The following SRR variants were observed in gnomAD, a reference collection of about 807,000 sequenced individuals.
SRR encodes D-serine ammonia-lyase.
In SRR, 19 loss-of-function variants were observed where a neutral mutation model predicts 32.7. The observed-to-expected ratio is 0.58, with a 90% CI of 0.40 to 0.85. The LOEUF (loss-of-function observed/expected upper bound fraction) is 0.85. Among genes scored for constraint, SRR ranks in the 40% least tolerant of loss-of-function variants. The probability of loss-of-function intolerance (pLI) is 0.00; values close to 1 mark genes in which losing one functional copy is unlikely to be tolerated. For synonymous variants in SRR, 142 were observed against 140.9 expected, an observed-to-expected ratio of 1.01 and a Z score of -0.06; for missense variants, 373 against 404.7, an observed-to-expected ratio of 0.92 and a Z score of 0.67.
chr17:2,315,867 T>A, intron 2 of SRR, 139 bp downstream of exon 2: 2 of 896,308 alleles, frequency 2.2e-6, no homozygotes, highest in Non-Finnish European at 3.3e-6. Flanking sequence ...TACAGAAATT[T>A]TCCTTTCAAG....
chr17:2,324,257 T>G lies in SRR; in HGVS notation c.*384T>G. 6.5e-7 allele frequency: 1 copy of G among 1,545,552 alleles called. No homozygotes were observed. The highest frequency in any genetic ancestry group is 8.7e-7 in the Non-Finnish European group (1 of 1,151,820). On this transcript the variant is annotated 3_prime_UTR_variant, in exon 8 of 8. Coordinates refer to ENST00000344595, the MANE Select transcript of SRR (RefSeq NM_021947.3). ...CTCACTTTTCAGCCAGGGTACTGGT[T>G]CTGGTACATATGGATCATAAGTCCA...
At chr17:2,314,646 G>A (rs1469139804) in intron 1 of SRR, among the ~76,000 whole-genome samples, 6 of 151,360 alleles carry the variant, frequency 4.0e-5, no homozygotes, top group African/African-American at 1.2e-4. Flanking sequence ...TCAGCTACTC[G>A]GGAGGCTGAA....
At chr17:2,317,368 C>T (rs1442698944) in intron 2 of SRR, among the ~76,000 whole-genome samples, 1 of 151,660 alleles carries the variant, frequency 6.6e-6, no homozygotes, top group Non-Finnish European at 1.5e-5. Flanking sequence ...AAAAATTAGC[C>T]GGGCGTGGTG....
In SRR at chr17:2,324,261, G is replaced by A. The variant is rs2075559563; in HGVS notation, c.*388G>A. On this transcript the variant is annotated 3_prime_UTR_variant, in exon 8 of 8. Coordinates refer to ENST00000344595, the MANE Select transcript of SRR (RefSeq NM_021947.3). ...CTTTTCAGCCAGGGTACTGGTTCTG[G>A]TACATATGGATCATAAGTCCATTTG... 2 of 1,549,122 alleles carry A rather than the reference G, an allele frequency of 1.3e-6. No homozygotes were observed. Among genetic ancestry groups the A allele is most frequent in the Non-Finnish European group, 1.7e-6 (2 of 1,153,366 alleles).
chr17:2,312,331 C>T (rs1054182687), intron 1 of SRR, among the ~76,000 whole-genome samples: 5 of 152,098 alleles, frequency 3.3e-5, no homozygotes, highest in Non-Finnish European at 7.4e-5. Context: ...CACAGTGGCT[C>T]ACACCTGTAA....
chr17:2,313,352 C>T (rs533546674), intron 1 of SRR, among the ~76,000 whole-genome samples: 120 of 151,044 alleles, frequency 7.9e-4, no homozygotes, highest in African/African-American at 2.5e-3. Context: ...ATCGCTTGAA[C>T]CTGGGAGGCA....
chr17:2,317,689 C>G lies in SRR; in HGVS notation c.169-181C>G, dbSNP rs138899862. ...TGGCACTGCACTCCAGCCGGGATAA[C>G]GGAGACTCCATCTCAAAAAAATAAA... On this transcript the variant is annotated intron_variant, in intron 2 of 7. Transcript: ENST00000344595. Among the ~76,000 whole-genome samples, 14 of 151,916 alleles carry G rather than the reference C, an allele frequency of 9.2e-5. No homozygotes were observed. The East Asian group carries it at 2.7e-3, about 29-fold the overall frequency.
At chr17:2,309,291 C>G (rs2075417109) in intron 1 of SRR, among the ~76,000 whole-genome samples, 1 of 152,174 alleles carries the variant, frequency 6.6e-6, no homozygotes. Flanking sequence ...CTTCTCTCCC[C>G]CATTCAATCC....
intron 1 of SRR, among the ~76,000 whole-genome samples, chr17:2,310,937 A>G (rs2075429284): frequency 6.6e-6 from 1 of 151,764 alleles, no homozygotes; most frequent in Non-Finnish European, 1.5e-5. Flanking sequence ...TAGTAGAGAC[A>G]GGGTTTCACC....
In SRR at chr17:2,314,137, G is replaced by C. The variant is rs534076226; in HGVS notation, c.-4-1420G>C. Reference sequence around the variant, plus strand: ...AGCAAATAAAATGTTTGCTTTAACTGTTACATAATGTATATTGAGAATGCA... The same window carrying C: ...AGCAAATAAAATGTTTGCTTTAACTCTTACATAATGTATATTGAGAATGCA... On this transcript the variant is annotated intron_variant, in intron 1 of 7. Transcript: ENST00000344595. Among the ~76,000 whole-genome samples the C allele has an allele frequency of 1.5e-3, 224 of 152,306 alleles. 1 individual carries two copies. Among genetic ancestry groups the C allele is most frequent in the Middle Eastern group, 3.4e-3 (1 of 294 alleles).
chr17:2,323,894 G>A lies in SRR; in HGVS notation c.*21G>A, dbSNP rs1294118196. ...TTTAATTTACAGAAAAGGAAATGGT[G>A]GGAATTCAGTGTCTTTAGATACTGA... On this transcript the variant is annotated 3_prime_UTR_variant, in exon 8 of 8. Transcript: ENST00000344595. The A allele has an allele frequency of 6.2e-7, 1 of 1,604,990 alleles. No homozygotes were observed. Among genetic ancestry groups the A allele is most frequent in the Admixed American group, 1.7e-5 (1 of 59,858 alleles).
chr17:2,314,911 T>C (rs1424042047), intron 1 of SRR, among the ~76,000 whole-genome samples: 1 of 151,600 alleles, frequency 6.6e-6, no homozygotes, highest in Non-Finnish European at 1.5e-5. Flanking sequence ...ATATAAAAAT[T>C]GAATCCAATT....
chr17:2,307,582 T>C lies in SRR; in HGVS notation c.-5+3565T>C, dbSNP rs951558485. 51 of 1,029,476 alleles carry C rather than the reference T, an allele frequency of 5.0e-5. No individual in the cohort carries two copies. The African/African-American group carries it at 7.1e-4, about 14-fold the overall frequency. The allele number at this position is 1,029,476 out of a possible 1,614,324, so 63.8% of individuals were successfully genotyped here. ...AATTAGTCTTCAATTTTTGGACCCA[T>C]GAAGGGAGGAAACTTTGGAGGCAGA... On this transcript the variant is annotated intron_variant, in intron 1 of 7. Coordinates refer to ENST00000344595, the MANE Select transcript of SRR (RefSeq NM_021947.3).
intron 1 of SRR, chr17:2,306,677 A>C (rs1399992219): frequency 2.2e-6 from 1 of 456,572 alleles, no homozygotes. Context: ...AGATCACGCC[A>C]CTGCACTCCA....
intron 4 of SRR, among the ~76,000 whole-genome samples, chr17:2,320,054 G>A (rs914461007): frequency 4.6e-5 from 7 of 151,282 alleles, no homozygotes; most frequent in East Asian, 3.9e-4. Context: ...TCCTGACCTC[G>A]TGATCCACCC....
rs536120942 is a variant in SRR at position 2,316,879 on chromosome 17, ATTTTTTT to A, written c.169-978_169-972del. ...AGGCGCCTGCCACCACGCCCAGCTA[ATTTTTTT>A]TTTTTTTTTTTTGAATTTTTAGTAG... On this transcript the variant is annotated intron_variant, in intron 2 of 7. Transcript: ENST00000344595. 9.7e-5 allele frequency among the ~76,000 whole-genome samples: 12 copies of A among 123,772 alleles called. No individual in the cohort carries two copies. In the South Asian group the frequency reaches 2.7e-3, roughly 28 times the overall value. The allele number at this position is 123,772 out of a possible 152,430, so 81.2% of individuals were successfully genotyped here. A position where few individuals can be genotyped will look rare whatever the true frequency, so the allele number is the denominator to read the frequency against.
chr17:2,323,704 C>T lies in SRR; in HGVS notation c.854C>T (p.Thr285Ile). 7 of 1,614,208 alleles carry T rather than the reference C, an allele frequency of 4.3e-6. No homozygotes were observed. The highest frequency in any genetic ancestry group is 1.3e-5 in the African/African-American group (1 of 75,062). The change falls in exon 8 of 8, where the codon ACA (threonine) becomes ATA (isoleucine). Residue 285 changes from threonine to isoleucine, a missense_variant. Transcript: ENST00000344595. ...AGGATGAAACTACTCATTGAACCTA[C>T]AGCTGGTGTTGGAGTGGCTGCTGTG... Reference protein sequence around the residue: ...WERMKLLIEPTAGVGVAAVLS... With the variant: ...WERMKLLIEPIAGVGVAAVLS...
At chr17:2,323,545 G>T in intron 7 of SRR, 110 bp from the exon 8 acceptor site, 1 of 1,273,888 alleles carries the variant, frequency 7.8e-7, no homozygotes, top group Non-Finnish European at 1.1e-6. Flanking sequence ...GGAAGCGTGT[G>T]TACACAGTGA....
intron 1 of SRR, chr17:2,307,390 G>A (rs369520641): frequency 1.2e-4 from 132 of 1,141,002 alleles, no homozygotes; most frequent in Middle Eastern, 8.4e-4. Flanking sequence ...AGGTGGTTTC[G>A]GTAGGAATGA....
Sources: allele counts gnomAD v4.1 joint callset (sites outside exome capture counted in the v4.1 genomes callset), GRCh38; gene constraint gnomAD v4.1.1; transcripts MANE v1.5; gene names NCBI Gene and HGNC (gene_info 2026-07-23, HGNC 2026-07-21).